AP2B1: variants seen among roughly 807,000 people sequenced by gnomAD.
The protein encoded by AP2B1 is AP-2 complex subunit beta.
AP2B1 carries 23 observed loss-of-function variants against 102.0 expected under a neutral mutation model. The ratio of observed to expected loss-of-function variants is 0.23; its 90% CI spans 0.16 to 0.32. The LOEUF (loss-of-function observed/expected upper bound fraction) is 0.32, where lower values mean the gene tolerates loss of function less well. Among genes scored for constraint, AP2B1 ranks in the 10% least tolerant of loss-of-function variants. AP2B1 has a pLI of 1.00. For synonymous variants in AP2B1, 381 were observed against 421.2 expected (o/e 0.90, Z 1.17); for missense variants, 541 against 1,157.4 (o/e 0.47, Z 7.73).
At chr17:35,706,694 G>T (rs1027554595) in intron 18 of AP2B1, among the ~76,000 whole-genome samples, 1 of 151,708 alleles carries the variant, frequency 6.6e-6, no homozygotes, top group Non-Finnish European at 1.5e-5. Context: ...AGGCCAGAGT[G>T]CAATGGCACA....
intron 14 of AP2B1, among the ~76,000 whole-genome samples, chr17:35,662,687 G>A (rs986880064): frequency 6.6e-6 from 1 of 152,038 alleles, no homozygotes; most frequent in African/African-American, 2.4e-5. Context: ...TATGTGTTAT[G>A]TGCTCATGAG....
At chr17:35,680,666 A>G (rs2075797721) in intron 17 of AP2B1, among the ~76,000 whole-genome samples, 1 of 142,400 alleles carries the variant, frequency 7.0e-6, no homozygotes, top group African/African-American at 2.6e-5. Flanking sequence ...ATGAGCCACC[A>G]TGCCCAGTCT....
At chr17:35,665,542 A>G (rs1303733260) in intron 14 of AP2B1, among the ~76,000 whole-genome samples, 3 of 152,204 alleles carry the variant, frequency 2.0e-5, no homozygotes, top group African/African-American at 7.2e-5. Flanking sequence ...AAAGACACAC[A>G]CTGATGGTTT....
At chr17:35,631,039 G>T (rs3785760) in intron 9 of AP2B1, among the ~76,000 whole-genome samples, 3,679 of 152,292 alleles carry the variant, frequency 0.024, 137 homozygotes, top group East Asian at 0.19. Flanking sequence ...TGAACTTTCT[G>T]TATAGCTTTG....
intron 5 of AP2B1, among the ~76,000 whole-genome samples, chr17:35,623,369 G>A (rs1190320245): frequency 1.3e-5 from 2 of 152,050 alleles, no homozygotes; most frequent in South Asian, 2.1e-4. Flanking sequence ...TTCGAGACCA[G>A]CCTGGCCAAC....
At chr17:35,643,649 TAATAGACATCTGG>T (rs1246851439) in intron 12 of AP2B1, among the ~76,000 whole-genome samples, 2 of 152,220 alleles carry the variant, frequency 1.3e-5, no homozygotes, top group Non-Finnish European at 1.5e-5. Flanking sequence ...CAAGCATTAT[TAATAGACATCTGG>T]ATACCTGGAC....
At chr17:35,595,558 A>T (rs2073241806) in intron 2 of AP2B1, among the ~76,000 whole-genome samples, 1 of 152,164 alleles carries the variant, frequency 6.6e-6, no homozygotes, top group East Asian at 1.9e-4. Context: ...AAAGAAAAAA[A>T]TTAAAAAGAA....
At chr17:35,673,551 A>G (rs1353968869) in intron 16 of AP2B1, among the ~76,000 whole-genome samples, 1 of 152,126 alleles carries the variant, frequency 6.6e-6, no homozygotes, top group South Asian at 2.1e-4. Flanking sequence ...TCCAGGACCA[A>G]GGGGCGTGTT....
intron 18 of AP2B1, among the ~76,000 whole-genome samples, chr17:35,698,163 A>T (rs4796103): frequency 2.0e-5 from 3 of 151,984 alleles, no homozygotes; most frequent in Admixed American, 2.0e-4. Flanking sequence ...TTGGTGGGAA[A>T]TCGGTGTGAT....
chr17:35,646,563 C>A (rs1386047281), intron 12 of AP2B1, among the ~76,000 whole-genome samples: 1 of 150,656 alleles, frequency 6.6e-6, no homozygotes, highest in African/African-American at 2.4e-5. Flanking sequence ...GAGGAACTCT[C>A]AAATTTTTTT....
chr17:35,657,573 T>G, intron 13 of AP2B1, 26 bp from the exon 14 acceptor site: 1 of 1,585,630 alleles, frequency 6.3e-7, no homozygotes, highest in African/African-American at 1.3e-5. Context: ...TTCTCTTTTC[T>G]CCATTTTATG....
intron 5 of AP2B1, 45 bp downstream of exon 5, chr17:35,608,432 G>A: frequency 6.2e-7 from 1 of 1,607,896 alleles, no homozygotes; most frequent in Non-Finnish European, 8.5e-7. Flanking sequence ...TTTAAAATGA[G>A]TCCCTTGTTA....
intron 12 of AP2B1, among the ~76,000 whole-genome samples, chr17:35,648,305 C>T (rs565642418): frequency 2.2e-4 from 34 of 152,180 alleles, no homozygotes; most frequent in Non-Finnish European, 4.0e-4. Context: ...GACTTAAAGT[C>T]AGGAGTTCAA....
At chr17:35,638,562 G>A (rs1269082118) in intron 10 of AP2B1, among the ~76,000 whole-genome samples, 1 of 152,114 alleles carries the variant, frequency 6.6e-6, no homozygotes, top group African/African-American at 2.4e-5. Context: ...GCCGAGGTGG[G>A]CGGATCATGA....
At chr17:35,687,552 ATT>A (rs56332145) in intron 18 of AP2B1, among the ~76,000 whole-genome samples, 2 of 149,200 alleles carry the variant, frequency 1.3e-5, no homozygotes, top group African/African-American at 2.5e-5. Flanking sequence ...GTTTACATCA[ATT>A]TTTTTTTTTA....
chr17:35,706,764 C>A (rs914580515), intron 18 of AP2B1, among the ~76,000 whole-genome samples: 6 of 152,060 alleles, frequency 3.9e-5, no homozygotes, highest in Non-Finnish European at 8.8e-5. Flanking sequence ...CCTCAGCCTC[C>A]CAAGTAGCTG....
At chr17:35,714,707 C>T (rs1455200553) in intron 20 of AP2B1, among the ~76,000 whole-genome samples, 4 of 151,282 alleles carry the variant, frequency 2.6e-5, no homozygotes, top group African/African-American at 9.7e-5. Flanking sequence ...AAGACTCTGT[C>T]GAGAGAGAGA....
chr17:35,635,305 C>G (rs2074574895), intron 9 of AP2B1, among the ~76,000 whole-genome samples: 1 of 152,134 alleles, frequency 6.6e-6, no homozygotes, highest in Non-Finnish European at 1.5e-5. Context: ...CCACCCACCT[C>G]TCACCTCCCA....
chr17:35,674,257 A>G lies in AP2B1; in HGVS notation c.2260A>G (p.Met754Val), dbSNP rs772268190. The change falls in exon 17 of 22, where the codon ATG becomes GTG. Residue 754 changes from methionine to valine, a missense_variant. Met to Val is a conservative substitution (Grantham distance 21, BLOSUM62 1). Around this residue, in one of 10 missense-constraint regions of AP2B1, gnomAD observed 62 missense variants for 87.6 expected, o/e 0.71. Transcript: ENST00000610402. Reference sequence around the variant, plus strand: ...CCGCCAAGGGCACATCTATATGGAAATGAACTTCACCAATAAAGCTCTGCA... The same window carrying G: ...CCGCCAAGGGCACATCTATATGGAAGTGAACTTCACCAATAAAGCTCTGCA... Reference protein sequence around the residue: ...THRQGHIYMEMNFTNKALQHM... With the variant: ...THRQGHIYMEVNFTNKALQHM... 3.1e-6 allele frequency: 5 copies of G among 1,614,116 alleles called. No homozygotes were observed. The highest frequency in any genetic ancestry group is 2.2e-5 in the East Asian group (1 of 44,898).
Sources: gnomAD v4.1 joint callset for allele counts (sites outside exome capture counted in the v4.1 genomes callset) on GRCh38, gnomAD v4.1.1 for gene constraint, gnomAD v4.1.1 regional missense constraint, MANE v1.5 for transcripts, NCBI Gene and HGNC (gene_info 2026-07-23, HGNC 2026-07-21) for gene names.